The following TMEFF2 variants were observed in gnomAD, a reference collection of about 807,000 sequenced individuals.
The protein encoded by TMEFF2 is transmembrane protein with EGF like and two follistatin like domains 2, also known as tomoregulin-2.
TMEFF2 carries 28 observed loss-of-function variants against 53.8 expected under a neutral mutation model. That is an observed-to-expected ratio of 0.52 (90% confidence interval 0.39 to 0.71). The LOEUF (loss-of-function observed/expected upper bound fraction) is 0.71. Ranked by LOEUF, TMEFF2 falls within the 30% of genes least tolerant of loss-of-function variation. The pLI, the probability that TMEFF2 is intolerant of heterozygous loss-of-function variation, is 0.00. For missense variants in TMEFF2, 353 were observed against 455.2 expected (o/e 0.78, Z 2.04); for synonymous variants, 162 against 166.3 (o/e 0.97, Z 0.20).
At chr2:192,189,293 T>A (rs1468798536) in intron 2 of TMEFF2, among the ~76,000 whole-genome samples, 1 of 152,004 alleles carries the variant, frequency 6.6e-6, no homozygotes, top group Non-Finnish European at 1.5e-5. Flanking sequence ...CCTGTAATCC[T>A]AGCACTTTGG....
intron 8 of TMEFF2, among the ~76,000 whole-genome samples, chr2:191,954,379 TAGG>T (rs1691998435): frequency 1.3e-5 from 2 of 152,268 alleles, no homozygotes; most frequent in South Asian, 2.1e-4. Context: ...ATTTCAAAGG[TAGG>T]AGGATTACTA....
intron 5 of TMEFF2, among the ~76,000 whole-genome samples, chr2:192,029,567 C>T (rs1687062373): frequency 6.6e-6 from 1 of 152,180 alleles, no homozygotes; most frequent in African/African-American, 2.4e-5. Context: ...GAGGAAGTGG[C>T]ATCACAGGTA....
intron 7 of TMEFF2, among the ~76,000 whole-genome samples, chr2:191,983,391 C>CTTT (rs11396477): frequency 2.7e-4 from 39 of 144,370 alleles, no homozygotes; most frequent in East Asian, 1.0e-3. Flanking sequence ...GCATCTTAGC[C>CTTT]TTTTTTTTTT....
intron 5 of TMEFF2, among the ~76,000 whole-genome samples, chr2:192,049,766 C>A (rs6434532): frequency 6.6e-6 from 1 of 152,044 alleles, no homozygotes; most frequent in East Asian, 1.9e-4. Context: ...CTTTGGGAGG[C>A]TGAGGCGGGA....
At chr2:192,061,275 T>C (rs1328964997) in intron 4 of TMEFF2, among the ~76,000 whole-genome samples, 1 of 152,134 alleles carries the variant, frequency 6.6e-6, no homozygotes, top group Non-Finnish European at 1.5e-5. Context: ...AAAATTGACA[T>C]TCAGTGAAAT....
At chr2:191,982,785 G>A (rs2105816873) in intron 7 of TMEFF2, among the ~76,000 whole-genome samples, 1 of 152,198 alleles carries the variant, frequency 6.6e-6, no homozygotes, top group African/African-American at 2.4e-5. Flanking sequence ...AGTATGTACA[G>A]TTTTATCAGA....
At chr2:192,170,453 T>C (rs1378211091) in intron 4 of TMEFF2, among the ~76,000 whole-genome samples, 1 of 151,906 alleles carries the variant, frequency 6.6e-6, no homozygotes, top group African/African-American at 2.4e-5. Context: ...ATTATAGAAA[T>C]GGGTTCCCTC....
At chr2:192,059,231 A>G (rs1687986541) in intron 4 of TMEFF2, among the ~76,000 whole-genome samples, 1 of 151,976 alleles carries the variant, frequency 6.6e-6, no homozygotes, top group East Asian at 1.9e-4. Flanking sequence ...TTCAATTGCA[A>G]AAGTATTGAT....
At chr2:192,103,439 G>C (rs894202111) in intron 4 of TMEFF2, among the ~76,000 whole-genome samples, 1 of 151,926 alleles carries the variant, frequency 6.6e-6, no homozygotes, top group Non-Finnish European at 1.5e-5. Flanking sequence ...GCCCTCTTTT[G>C]TTTCTCCTTA....
intron 5 of TMEFF2, among the ~76,000 whole-genome samples, chr2:192,002,118 G>A (rs552584338): frequency 3.0e-4 from 46 of 151,904 alleles, no homozygotes; most frequent in East Asian, 9.7e-4. Flanking sequence ...TCCTAGCATC[G>A]CTTGCTCAAG....
chr2:192,008,536 A>G (rs11904496), intron 5 of TMEFF2, among the ~76,000 whole-genome samples: 4,715 of 152,288 alleles, frequency 0.031, 250 homozygotes, highest in African/African-American at 0.11. Flanking sequence ...TTAAGCTGGA[A>G]AACATATTCA....
chr2:192,009,600 T>C (rs1025978885), intron 5 of TMEFF2, among the ~76,000 whole-genome samples: 3 of 152,100 alleles, frequency 2.0e-5, no homozygotes, highest in Non-Finnish European at 4.4e-5. Flanking sequence ...GTCAATTTAC[T>C]TTAAATTTAC....
intron 4 of TMEFF2, among the ~76,000 whole-genome samples, chr2:192,081,348 T>C (rs955945030): frequency 1.3e-5 from 2 of 152,158 alleles, no homozygotes; most frequent in South Asian, 2.1e-4. Context: ...CTTAAGTAGT[T>C]TGAGGTTTTG....
At chr2:192,102,626 CTTTTT>C (rs10635775) in intron 4 of TMEFF2, among the ~76,000 whole-genome samples, 1 of 109,844 alleles carries the variant, frequency 9.1e-6, no homozygotes, top group African/African-American at 3.6e-5. Flanking sequence ...TTTTCTTGTT[CTTTTT>C]TTTTTTTTTT....
At chr2:192,022,463 C>CTA (rs1686879374) in intron 5 of TMEFF2, among the ~76,000 whole-genome samples, 1 of 152,198 alleles carries the variant, frequency 6.6e-6, no homozygotes, top group Non-Finnish European at 1.5e-5. Context: ...CCATGTTCTA[C>CTA]TTTATTACTT....
chr2:192,091,864 CAG>C, intron 4 of TMEFF2, among the ~76,000 whole-genome samples: 1 of 152,134 alleles, frequency 6.6e-6, no homozygotes, highest in Non-Finnish European at 1.5e-5. Flanking sequence ...TCCTAAAGGG[CAG>C]TGACACCTAG....
chr2:192,153,292 A>C (rs1690430798), intron 4 of TMEFF2, among the ~76,000 whole-genome samples: 1 of 151,852 alleles, frequency 6.6e-6, no homozygotes, highest in African/African-American at 2.4e-5. Context: ...GATATACCTG[A>C]ATACTGGTAT....
chr2:191,989,026 C>T (rs140094027), intron 7 of TMEFF2, among the ~76,000 whole-genome samples: 254 of 152,212 alleles, frequency 1.7e-3, no homozygotes, highest in African/African-American at 5.9e-3. Flanking sequence ...TTGTTATTGG[C>T]CAAACCACTT....
intron 4 of TMEFF2, among the ~76,000 whole-genome samples, chr2:192,062,726 A>T (rs761765677): frequency 1.3e-5 from 2 of 152,124 alleles, no homozygotes; most frequent in Non-Finnish European, 2.9e-5. Context: ...TGATCTTGGT[A>T]TATTAACTTT....
Sources: gnomAD v4.1 joint callset for allele counts (sites outside exome capture counted in the v4.1 genomes callset) on GRCh38, gnomAD v4.1.1 for gene constraint, MANE v1.5 for transcripts, NCBI Gene and HGNC (gene_info 2026-07-23, HGNC 2026-07-21) for gene names.